ABL1: variants seen among roughly 807,000 people sequenced by gnomAD.
The protein encoded by ABL1 is tyrosine-protein kinase ABL1.
ABL1 carries 11 observed loss-of-function variants against 94.7 expected under a neutral mutation model. The observed-to-expected ratio is 0.12, with a 90% CI of 0.07 to 0.19. ABL1 has a LOEUF of 0.19. Ranked by LOEUF, ABL1 falls within the 10% of genes least tolerant of loss-of-function variation. The probability of loss-of-function intolerance (pLI) is 1.00; values close to 1 mark genes in which losing one functional copy is unlikely to be tolerated. For synonymous variants in ABL1, 656 were observed against 622.4 expected (o/e 1.05, Z -0.80); for missense variants, 1,082 against 1,489.4 (o/e 0.73, Z 4.50).
At chr9:130,793,546 G>A (rs1309876537) in intron 1 of ABL1, among the ~76,000 whole-genome samples, 1 of 152,160 alleles carries the variant, frequency 6.6e-6, no homozygotes, top group Non-Finnish European at 1.5e-5. Flanking sequence ...TTTTTTCTGA[G>A]AAATAACTAG....
At chr9:130,718,317 C>CA (rs35188504) in intron 1 of ABL1, among the ~76,000 whole-genome samples, 8,379 of 72,444 alleles carry the variant, frequency 0.12, 1,058 homozygotes, top group African/African-American at 0.27. Context: ...GACTCTGTCT[C>CA]AAAAAAAAAA....
exon 1 of ABL1, chr9:130,714,279 T>G (rs750795685): frequency 1.3e-6 from 2 of 1,541,384 alleles, no homozygotes; most frequent in Non-Finnish European, 1.7e-6. Context: ...TTCTGGAAGA[T>G]CTTGAACCCT....
At chr9:130,713,925 A>AC (rs1831403828) in exon 1 of ABL1, 1 of 234,838 alleles carries the variant, frequency 4.3e-6, no homozygotes, top group Non-Finnish European at 8.4e-6. Context: ...GTAGCCAAAG[A>AC]CCATCAGCGT....
At chr9:130,734,669 G>A (rs1000535927) in intron 1 of ABL1, among the ~76,000 whole-genome samples, 2 of 151,284 alleles carry the variant, frequency 1.3e-5, no homozygotes, top group Non-Finnish European at 2.9e-5. Flanking sequence ...TCACAGGCGT[G>A]TGCCACCAAG....
chr9:130,880,755 A>G lies in ABL1; in HGVS notation c.1678+91A>G, dbSNP rs1588281219. The G allele has an allele frequency of 6.1e-6, 9 of 1,467,000 alleles. No individual in the cohort carries two copies. The East Asian group carries it at 2.1e-4, about 35-fold the overall frequency. The allele number at this position is 1,467,000 out of a possible 1,614,324, so 90.9% of individuals were successfully genotyped here. ...ATCATAGGCCAACGGGAAGCTGTGA[A>G]TGGAGCCCGCACAGAAGGGCAGCCA... On this transcript the variant is annotated intron_variant, in intron 10 of 10. Transcript: ENST00000318560. The surrounding 1 kb of genome is among the most constrained non-coding windows in gnomAD (Gnocchi z 4.4).
rs568627854 is a variant in ABL1 at position 130,794,308 on chromosome 9, CATTTTTTATTT to C, written c.137-59748_137-59738del. Among the ~76,000 whole-genome samples, 830 of 152,092 alleles carry C rather than the reference CATTTTTTATTT, an allele frequency of 5.5e-3. 2 individuals are homozygous for C. The highest frequency in any genetic ancestry group is 0.011 in the Admixed American group (162 of 15,280). ...AGTAGGCAGTTTTTATTTTATTTTT[CATTTTTTATTT>C]ATTTTTTTACCTGTGAGCCCACATC... On this transcript the variant is annotated intron_variant, in intron 1 of 10. Coordinates refer to the ABL1 transcript ENST00000372348.
chr9:130,885,606 A>T lies in ABL1; in HGVS notation c.3316A>T (p.Ser1106Cys), dbSNP rs1364046851. 6.8e-6 allele frequency: 11 copies of T among 1,613,480 alleles called. No individual in the cohort carries two copies. The Admixed American group carries it at 1.5e-4, about 22-fold the overall frequency. Residue 1106 changes from serine to cysteine, a missense_variant, in exon 11 of 11, where the codon AGT becomes TGT. Coordinates refer to ENST00000318560, the MANE Select transcript of ABL1 (RefSeq NM_005157.6). The part of the protein sequence containing the change: ...ELQICPATAG[S>C]GPAATQDFSK... ...TCAGATCTGCCCGGCGACAGCAGGC[A>T]GTGGTCCAGCGGCCACTCAGGACTT...
At chr9:130,752,677 G>A (rs1342766027) in intron 1 of ABL1, among the ~76,000 whole-genome samples, 1 of 152,192 alleles carries the variant, frequency 6.6e-6, no homozygotes, top group Non-Finnish European at 1.5e-5. Context: ...ACCCCTTGGT[G>A]GCTGGGTGCA....
At chr9:130,716,789 C>T (rs568851373) in intron 1 of ABL1, among the ~76,000 whole-genome samples, 5 of 151,634 alleles carry the variant, frequency 3.3e-5, no homozygotes, top group East Asian at 3.9e-4. Flanking sequence ...TCGCTCTTGT[C>T]GCCCGGGCTG....
chr9:130,804,309 C>T (rs994686987), intron 1 of ABL1, among the ~76,000 whole-genome samples: 2 of 124,070 alleles, frequency 1.6e-5, no homozygotes, highest in Admixed American at 7.9e-5. Flanking sequence ...GCAGTGAGCT[C>T]ACACCAGTGG....
intron 7 of ABL1, among the ~76,000 whole-genome samples, chr9:130,877,217 C>T (rs759222840): frequency 2.7e-5 from 4 of 148,220 alleles, no homozygotes; most frequent in Non-Finnish European, 5.9e-5. Flanking sequence ...TTTTCCATGA[C>T]GTCCGCGCCC....
intron 1 of ABL1, among the ~76,000 whole-genome samples, chr9:130,776,580 A>G (rs1221465785): frequency 1.3e-5 from 2 of 150,706 alleles, no homozygotes; most frequent in Non-Finnish European, 3.0e-5. Context: ...CTATCTCAAA[A>G]AAAAAAAAAA....
chr9:130,840,006 C>T (rs146533882), intron 1 of ABL1, among the ~76,000 whole-genome samples: 163 of 152,256 alleles, frequency 1.1e-3, no homozygotes, highest in Non-Finnish European at 1.7e-3. Context: ...TGTAGTAATC[C>T]CTACCTCACT....
intron 1 of ABL1, among the ~76,000 whole-genome samples, chr9:130,749,826 C>G (rs1343070615): frequency 4.6e-5 from 7 of 152,044 alleles, no homozygotes; most frequent in African/African-American, 1.4e-4. Context: ...ATTTGAGATA[C>G]AAGATCTCCA....
intron 1 of ABL1, among the ~76,000 whole-genome samples, chr9:130,845,391 G>A (rs914653119): frequency 2.0e-5 from 3 of 151,628 alleles, no homozygotes; most frequent in African/African-American, 7.3e-5. Context: ...GCCCAGGCTG[G>A]AGCGTGGTGA....
exon 1 of ABL1, among the ~76,000 whole-genome samples, chr9:130,713,640 C>A (rs950059584): frequency 2.0e-5 from 3 of 152,206 alleles, no homozygotes; most frequent in Non-Finnish European, 4.4e-5. Context: ...CACCTACGGC[C>A]CCCTTAGTCT....
chr9:130,717,434 T>C (rs1240390618), intron 1 of ABL1, among the ~76,000 whole-genome samples: 1 of 152,164 alleles, frequency 6.6e-6, no homozygotes, highest in Non-Finnish European at 1.5e-5. Context: ...CCAGGTGCTG[T>C]GGCTCGTGCT....
At chr9:130,822,438 G>GTT (rs1830374101) in intron 1 of ABL1, among the ~76,000 whole-genome samples, 1 of 125,590 alleles carries the variant, frequency 8.0e-6, no homozygotes, top group African/African-American at 3.3e-5. Context: ...CCCCGCCCCT[G>GTT]CTTTTTTTTT....
Position 130,840,242 on chromosome 9 carries a change from A to G in ABL1, c.79+4717A>G, listed in dbSNP as rs551091690. ...TGTTTCTAAGTGTGTTTTGATGCGTATAATTAATACTTCCTGTCCTTGATT... is the reference window on the plus strand; with the variant it reads ...TGTTTCTAAGTGTGTTTTGATGCGTGTAATTAATACTTCCTGTCCTTGATT... On this transcript the variant is annotated intron_variant, in intron 1 of 10. Coordinates refer to ENST00000318560, the MANE Select transcript of ABL1 (RefSeq NM_005157.6). Among the ~76,000 whole-genome samples, 110 of 152,352 alleles carry G rather than the reference A, an allele frequency of 7.2e-4. 1 individual carries two copies. In the South Asian group the frequency reaches 0.021, roughly 29 times the overall value.
Sources: gnomAD v4.1 joint callset for allele counts (sites outside exome capture counted in the v4.1 genomes callset) on GRCh38, gnomAD v4.1.1 for gene constraint, Gnocchi (gnomAD v3.1) non-coding constraint, MANE v1.5 for transcripts, NCBI Gene and HGNC (gene_info 2026-07-23, HGNC 2026-07-21) for gene names.